STAT5B: variants seen among roughly 807,000 people sequenced by gnomAD.
STAT5B encodes the protein transcription factor STAT5B.
Under a neutral mutation model 107.8 loss-of-function variants are expected in STAT5B, and 21 were observed. The observed-to-expected ratio is 0.19, with a 90% CI of 0.14 to 0.28. STAT5B has a LOEUF of 0.28. STAT5B is among the 10% of genes least tolerant of loss of function. The pLI, the probability that STAT5B is intolerant of heterozygous loss-of-function variation, is 1.00. For synonymous variants in STAT5B, 325 were observed against 401.7 expected (o/e 0.81, Z 2.28); for missense variants, 565 against 1,008.2 (o/e 0.56, Z 5.95).
chr17:42,276,761 G>C (rs2080770611), upstream of STAT5B: 1 of 151,866 alleles, frequency 6.6e-6, no homozygotes, highest in Non-Finnish European at 1.5e-5. The surrounding 1 kb of genome is among the most constrained non-coding windows in gnomAD (Gnocchi z 4.8). Context: ...TGGTCGTTTT[G>C]GTTGGCCCCC....
the STAT5B span, among the ~76,000 whole-genome samples, chr17:42,281,886 G>A: frequency 2.0e-5 from 3 of 152,250 alleles, no homozygotes; most frequent in Non-Finnish European, 4.4e-5. Context: ...AGAGGAGGGA[G>A]CAGAGTGCCA....
chr17:42,282,886 G>A, the STAT5B span, among the ~76,000 whole-genome samples: 2 of 152,204 alleles, frequency 1.3e-5, no homozygotes, highest in African/African-American at 2.4e-5. Context: ...GGAATGAAAG[G>A]GGCTAGTGCT....
intron 1 of STAT5B, among the ~76,000 whole-genome samples, chr17:42,265,760 C>T (rs1042216832): frequency 2.6e-5 from 4 of 152,142 alleles, no homozygotes; most frequent in African/African-American, 9.7e-5. Context: ...TCCCACATTC[C>T]CAAGCAACAC....
intron 11 of STAT5B, among the ~76,000 whole-genome samples, chr17:42,216,938 CA>C (rs1260348500): frequency 3.3e-5 from 5 of 152,090 alleles, no homozygotes; most frequent in African/African-American, 1.2e-4. Context: ...CTCAACCTAC[CA>C]AAGTGCTGGG....
chr17:42,262,800 G>A (rs1232779597), intron 1 of STAT5B, among the ~76,000 whole-genome samples: 3 of 103,480 alleles, frequency 2.9e-5, no homozygotes, highest in Non-Finnish European at 5.6e-5. Context: ...ATATATATGT[G>A]TGTATATATA....
upstream of STAT5B, among the ~76,000 whole-genome samples, chr17:42,277,079 C>G (rs1054751408): frequency 6.6e-6 from 1 of 152,202 alleles, no homozygotes; most frequent in African/African-American, 2.4e-5. Flanking sequence ...AGGGACTGCT[C>G]TCTCTAGAGA....
chr17:42,205,850 A>C (rs1347101952), intron 16 of STAT5B, among the ~76,000 whole-genome samples: 26 of 152,102 alleles, frequency 1.7e-4, no homozygotes, highest in Admixed American at 1.7e-3. Context: ...TTGAGACTGC[A>C]GTGAGCAATG....
chr17:42,256,415 A>G (rs530569882), intron 1 of STAT5B, among the ~76,000 whole-genome samples: 35 of 152,186 alleles, frequency 2.3e-4, no homozygotes, highest in African/African-American at 7.2e-4. Context: ...TAAAAGGCAC[A>G]CTTTCAGTCC....
chr17:42,203,957 T>A (rs945825019), intron 16 of STAT5B, among the ~76,000 whole-genome samples: 1 of 151,932 alleles, frequency 6.6e-6, no homozygotes, highest in Non-Finnish European at 1.5e-5. Flanking sequence ...AGGAGGTGCA[T>A]ACACGTCAGG....
intron 15 of STAT5B, among the ~76,000 whole-genome samples, chr17:42,209,715 G>C (rs767179216): frequency 5.3e-5 from 8 of 152,112 alleles, no homozygotes; most frequent in Non-Finnish European, 5.9e-5. Flanking sequence ...TTCAAAAAAA[G>C]AAAAGAACTA....
chr17:42,271,056 G>A (rs551936934), intron 1 of STAT5B: 10 of 152,216 alleles, frequency 6.6e-5, no homozygotes, highest in Non-Finnish European at 1.5e-4. Flanking sequence ...CTCACCTCTC[G>A]AAAGGTGGCA....
upstream of STAT5B, chr17:42,276,514 C>G (rs910193472): frequency 3.3e-4 from 50 of 151,002 alleles, 1 homozygote; most frequent in East Asian, 2.0e-4. This position sits in a 1 kb window ranked among gnomAD's most constrained non-coding sequence, Gnocchi z 4.8. Context: ...CGCGCGCTCG[C>G]TAGCCCGCTG....
chr17:42,250,356 G>A (rs1264680710), intron 1 of STAT5B, among the ~76,000 whole-genome samples: 1 of 152,084 alleles, frequency 6.6e-6, no homozygotes. Context: ...AAGGAAAAAC[G>A]TATTAGTTTG....
At chr17:42,260,486 G>A (rs2080585399) in intron 1 of STAT5B, among the ~76,000 whole-genome samples, 1 of 151,436 alleles carries the variant, frequency 6.6e-6, no homozygotes, top group Non-Finnish European at 1.5e-5. Context: ...ACGACTCACT[G>A]CAGCCTTAAC....
At chr17:42,241,895 T>G (rs981453903) in intron 1 of STAT5B, among the ~76,000 whole-genome samples, 1 of 152,170 alleles carries the variant, frequency 6.6e-6, no homozygotes, top group Non-Finnish European at 1.5e-5. Flanking sequence ...TTAATTTTTT[T>G]TTTCTAAATA....
At chr17:42,236,479 TC>T in intron 1 of STAT5B, among the ~76,000 whole-genome samples, 1 of 152,370 alleles carries the variant, frequency 6.6e-6, no homozygotes, top group African/African-American at 2.4e-5. Context: ...TCTCACTCTG[TC>T]GCCTAGGCTG....
At chr17:42,248,337 C>T (rs1203675846) in intron 1 of STAT5B, among the ~76,000 whole-genome samples, 2 of 146,424 alleles carry the variant, frequency 1.4e-5, no homozygotes, top group Admixed American at 1.4e-4. Context: ...TTAATAAGAG[C>T]TCATGTCTTA....
intron 1 of STAT5B, among the ~76,000 whole-genome samples, chr17:42,238,057 C>G (rs375534158): frequency 6.6e-6 from 1 of 152,108 alleles, no homozygotes; most frequent in Non-Finnish European, 1.5e-5. Flanking sequence ...CTCTTGCTAT[C>G]CTTCTCCTTA....
At chr17:42,266,931 G>C (rs1371730665) in intron 1 of STAT5B, among the ~76,000 whole-genome samples, 1 of 152,156 alleles carries the variant, frequency 6.6e-6, no homozygotes, top group Non-Finnish European at 1.5e-5. Context: ...AAACTCATTT[G>C]TAAAACATGA....
Sources: allele counts gnomAD v4.1 joint callset (sites outside exome capture counted in the v4.1 genomes callset), GRCh38; gene constraint gnomAD v4.1.1; non-coding constraint Gnocchi (gnomAD v3.1); transcripts MANE v1.5; gene names NCBI Gene and HGNC (gene_info 2026-07-23, HGNC 2026-07-21).